The following ARHGEF3 variants were observed in gnomAD, a reference collection of about 807,000 sequenced individuals.
ARHGEF3 encodes 59.8 kDA protein.
A neutral mutation model predicts 63.2 loss-of-function variants in ARHGEF3; 28 were observed. That is an observed-to-expected ratio of 0.44 (90% confidence interval 0.33 to 0.61). The LOEUF (loss-of-function observed/expected upper bound fraction) is 0.61. Ranked by LOEUF, ARHGEF3 falls within the 20% of genes least tolerant of loss-of-function variation. The pLI is 0.03. For synonymous variants in ARHGEF3, 266 were observed against 254.2 expected (o/e 1.05, Z -0.44); for missense variants, 533 against 659.3 (o/e 0.81, Z 2.10).
intron 1 of ARHGEF3, among the ~76,000 whole-genome samples, chr3:57,047,564 A>G (rs550414308): frequency 6.6e-6 from 1 of 152,316 alleles, no homozygotes; most frequent in Admixed American, 6.5e-5. Context: ...TGGAGATCCA[A>G]TGAAGCAGTG....
rs144255564 is a variant in ARHGEF3, at chr3:56,986,641, G to A, written c.63-27752C>T. 6.9e-3 allele frequency among the ~76,000 whole-genome samples: 1,051 copies of A among 152,208 alleles called. 13 individuals carry two copies. The highest frequency in any genetic ancestry group is 0.023 in the African/African-American group (956 of 41,532). On this transcript the variant is annotated intron_variant, in intron 2 of 12. Transcript: ENST00000338458. ...GAGCCAGGACCCAATGCTGTGAAAG[G>A]GGAGTCCATGATGAAGACTGCACAA...
chr3:57,031,727 T>C (rs988202957), intron 2 of ARHGEF3, among the ~76,000 whole-genome samples: 8 of 152,168 alleles, frequency 5.3e-5, no homozygotes, highest in African/African-American at 1.9e-4. Context: ...ATCAGTACTT[T>C]GGGAGGCTGA....
intron 1 of ARHGEF3, among the ~76,000 whole-genome samples, chr3:56,785,187 T>C (rs1559937489): frequency 6.6e-6 from 1 of 152,190 alleles, no homozygotes; most frequent in Non-Finnish European, 1.5e-5. Context: ...TACGAGACCA[T>C]GTATTTTGAT....
At chr3:56,824,817 T>C (rs2038650948) in intron 4 of ARHGEF3, among the ~76,000 whole-genome samples, 1 of 152,144 alleles carries the variant, frequency 6.6e-6, no homozygotes, top group Non-Finnish European at 1.5e-5. Flanking sequence ...ATTAGAAAAA[T>C]CTAGGAGTTC....
intron 1 of ARHGEF3, among the ~76,000 whole-genome samples, chr3:57,062,455 G>A (rs1295028928): frequency 2.6e-5 from 4 of 152,192 alleles, no homozygotes; most frequent in African/African-American, 7.2e-5. Flanking sequence ...GCACGGCGGC[G>A]GGGGCGGGGG....
chr3:56,930,755 G>A (rs1407667352), intron 3 of ARHGEF3, among the ~76,000 whole-genome samples: 1 of 152,112 alleles, frequency 6.6e-6, no homozygotes, highest in Non-Finnish European at 1.5e-5. Context: ...TTAAATGCAT[G>A]TAGTAAGTGA....
At chr3:56,758,147 G>C (rs1348058233) in intron 2 of ARHGEF3, among the ~76,000 whole-genome samples, 1 of 151,852 alleles carries the variant, frequency 6.6e-6, no homozygotes, top group Non-Finnish European at 1.5e-5. Context: ...TGGACGTGAT[G>C]GTAGGTGCCT....
intron 4 of ARHGEF3, among the ~76,000 whole-genome samples, chr3:56,867,140 A>G (rs2040276589): frequency 6.6e-6 from 1 of 152,226 alleles, no homozygotes; most frequent in African/African-American, 2.4e-5. Flanking sequence ...TATGTAGAGG[A>G]AGACATGTTC....
At chr3:57,037,547 G>A (rs1371113737) in intron 1 of ARHGEF3, among the ~76,000 whole-genome samples, 1 of 152,180 alleles carries the variant, frequency 6.6e-6, no homozygotes, top group Non-Finnish European at 1.5e-5. Flanking sequence ...TTCCCATATT[G>A]GCAAAAATAT....
chr3:56,974,179 A>G (rs780880687), intron 2 of ARHGEF3, among the ~76,000 whole-genome samples: 3 of 152,216 alleles, frequency 2.0e-5, no homozygotes, highest in Non-Finnish European at 2.9e-5. Context: ...TAGATGCTCA[A>G]TAACTATTTG....
intron 4 of ARHGEF3, among the ~76,000 whole-genome samples, chr3:56,836,988 T>C (rs1161038368): frequency 6.6e-6 from 1 of 152,148 alleles, no homozygotes; most frequent in East Asian, 1.9e-4. Flanking sequence ...CAGTCTGCAT[T>C]ACGTAATCTT....
chr3:56,949,648 A>G (rs1298672715), intron 3 of ARHGEF3, among the ~76,000 whole-genome samples: 1 of 152,102 alleles, frequency 6.6e-6, no homozygotes, highest in Non-Finnish European at 1.5e-5. Flanking sequence ...AACAAATGGA[A>G]GAACATTCCA....
chr3:57,005,948 T>C (rs974100103), intron 2 of ARHGEF3, among the ~76,000 whole-genome samples: 3 of 152,198 alleles, frequency 2.0e-5, no homozygotes, highest in Admixed American at 1.3e-4. Flanking sequence ...TGTTAGGATA[T>C]GATGAGCACC....
chr3:57,015,139 A>G (rs1702935335), intron 2 of ARHGEF3, among the ~76,000 whole-genome samples: 1 of 152,142 alleles, frequency 6.6e-6, no homozygotes, highest in South Asian at 2.1e-4. Flanking sequence ...TTTTACTGGT[A>G]TACAGCCACG....
chr3:56,880,483 AG>A (rs2040731143), intron 4 of ARHGEF3, among the ~76,000 whole-genome samples: 1 of 152,176 alleles, frequency 6.6e-6, no homozygotes, highest in African/African-American at 2.4e-5. Context: ...TTCGATAGAA[AG>A]CATCTAGAGA....
rs115817131 is a variant in ARHGEF3, at chr3:56,846,785, C to T, written c.192+35507G>A. On this transcript the variant is annotated intron_variant, in intron 4 of 12. Coordinates refer to the ARHGEF3 transcript ENST00000338458. ...GATCCCAGGGTCTTGTGTCCTCTTC[C>T]TTTCCCTTCCTTTCCCTGTCAAAGC... Among the ~76,000 whole-genome samples the T allele has an allele frequency of 3.1e-3, 466 of 152,268 alleles. 2 individuals are homozygous for T. Among genetic ancestry groups the T allele is most frequent in the African/African-American group, 0.011 (438 of 41,534 alleles).
intron 6 of ARHGEF3, among the ~76,000 whole-genome samples, chr3:56,748,517 T>C (rs1046252922): frequency 1.3e-5 from 2 of 151,098 alleles, no homozygotes; most frequent in Non-Finnish European, 2.9e-5. Context: ...TTAAAGAAGT[T>C]CTTTTATCCC....
At chr3:57,052,406 C>T (rs543773963) in intron 1 of ARHGEF3, among the ~76,000 whole-genome samples, 3 of 152,266 alleles carry the variant, frequency 2.0e-5, no homozygotes, top group Non-Finnish European at 2.9e-5. Flanking sequence ...AAGCAATTCT[C>T]CTGCCTCAGC....
intron 4 of ARHGEF3, among the ~76,000 whole-genome samples, chr3:56,811,811 T>C (rs2038075860): frequency 1.3e-5 from 2 of 152,200 alleles, no homozygotes; most frequent in Admixed American, 1.3e-4. Flanking sequence ...TCTTCAACTC[T>C]AGCATTAATA....
Sources: allele counts gnomAD v4.1 joint callset (sites outside exome capture counted in the v4.1 genomes callset), GRCh38; gene constraint gnomAD v4.1.1; transcripts MANE v1.5; gene names NCBI Gene and HGNC (gene_info 2026-07-23, HGNC 2026-07-21).